Variants in LPP observed in about 807,000 individuals in gnomAD.
The protein encoded by LPP is lipoma-preferred partner.
LPP carries 38 observed loss-of-function variants against 60.4 expected under a neutral mutation model. The observed-to-expected ratio is 0.63, with a 90% CI of 0.49 to 0.83. The LOEUF is 0.83. LPP is among the 40% of genes least tolerant of loss of function. The pLI, the probability that LPP is intolerant of heterozygous loss-of-function variation, is 0.00. For missense variants in LPP, 902 were observed against 783.6 expected, an observed-to-expected ratio of 1.15 and a Z score of -1.80; for synonymous variants, 328 against 290.8, an observed-to-expected ratio of 1.13 and a Z score of -1.30.
intron 4 of LPP, among the ~76,000 whole-genome samples, chr3:188,441,612 T>TC (rs796919476): frequency 0.27 from 17,311 of 65,050 alleles, 4,037 homozygotes; most frequent in East Asian, 0.67. Flanking sequence ...TTCTTTTCTT[T>TC]TTTTTTTTTT....
chr3:188,657,071 T>C (rs541215378), intron 7 of LPP, among the ~76,000 whole-genome samples: 34 of 152,060 alleles, frequency 2.2e-4, no homozygotes, highest in Non-Finnish European at 4.9e-4. Flanking sequence ...AGAGTCCACA[T>C]TGGCCCATTT....
chr3:188,206,752 G>A (rs1733342402), intron 1 of LPP, among the ~76,000 whole-genome samples: 1 of 152,178 alleles, frequency 6.6e-6, no homozygotes, highest in East Asian at 1.9e-4. Context: ...GCTATGTGAA[G>A]CAGTTAGTTT....
At chr3:188,528,584 C>T (rs1821302283) in intron 6 of LPP, among the ~76,000 whole-genome samples, 1 of 152,128 alleles carries the variant, frequency 6.6e-6, no homozygotes, top group Non-Finnish European at 1.5e-5. Flanking sequence ...GATATTTGGA[C>T]AGTACTGATT....
intron 7 of LPP, among the ~76,000 whole-genome samples, chr3:188,614,927 C>A (rs1257025865): frequency 6.6e-6 from 1 of 152,178 alleles, no homozygotes; most frequent in Non-Finnish European, 1.5e-5. Flanking sequence ...ACTTCCCCAT[C>A]CCCATCAGTC....
chr3:188,864,744 A>G (rs1766160704), intron 9 of LPP, among the ~76,000 whole-genome samples: 1 of 152,244 alleles, frequency 6.6e-6, no homozygotes, highest in Admixed American at 6.5e-5. Context: ...AGATGTTATG[A>G]GAACCATAAA....
chr3:188,847,637 T>C (rs931969223), intron 9 of LPP, among the ~76,000 whole-genome samples: 1 of 152,254 alleles, frequency 6.6e-6, no homozygotes, highest in African/African-American at 2.4e-5. Context: ...AAATAACTTT[T>C]ATTGTCTAAC....
At chr3:188,390,927 G>A (rs1010170050) in intron 3 of LPP, among the ~76,000 whole-genome samples, 13 of 152,092 alleles carry the variant, frequency 8.5e-5, no homozygotes, top group African/African-American at 3.1e-4. Flanking sequence ...TTTTCTCCTC[G>A]AGGCTTTCTA....
At chr3:188,494,619 A>G (rs912254527) in intron 5 of LPP, among the ~76,000 whole-genome samples, 8 of 152,002 alleles carry the variant, frequency 5.3e-5, no homozygotes, top group African/African-American at 1.7e-4. Flanking sequence ...ATGTATCTCA[A>G]ACTCACTTTG....
At chr3:188,706,845 A>C in intron 7 of LPP, among the ~76,000 whole-genome samples, 1 of 152,322 alleles carries the variant, frequency 6.6e-6, no homozygotes, top group Non-Finnish European at 1.5e-5. Flanking sequence ...TTCCCAACCC[A>C]CATCTCTGCC....
intron 3 of LPP, among the ~76,000 whole-genome samples, chr3:188,389,383 T>C (rs1779137078): frequency 6.6e-6 from 1 of 152,154 alleles, no homozygotes; most frequent in Non-Finnish European, 1.5e-5. Flanking sequence ...CAGTTCTACT[T>C]GTCTGCTAAC....
At chr3:188,867,586 C>G (rs1005214174) in intron 10 of LPP, among the ~76,000 whole-genome samples, 2 of 152,142 alleles carry the variant, frequency 1.3e-5, no homozygotes, top group African/African-American at 4.8e-5. Flanking sequence ...TCAAGTGACC[C>G]ACCTGCCTCA....
At chr3:188,423,407 C>T (rs932250444) in intron 4 of LPP, among the ~76,000 whole-genome samples, 17 of 152,104 alleles carry the variant, frequency 1.1e-4, no homozygotes, top group Admixed American at 4.6e-4. Context: ...AATAAATATA[C>T]GTGTACATGT....
rs58700818 is a variant in LPP at position 188,490,751 on chromosome 3, A to ATTTTTTTTTTTTTTT, written c.306+6054_306+6068dup. Among the ~76,000 whole-genome samples the ATTTTTTTTTTTTTTT allele has an allele frequency of 2.2e-4, 20 of 91,740 alleles. 1 individual carries two copies. Among genetic ancestry groups the ATTTTTTTTTTTTTTT allele is most frequent in the African/African-American group, 3.5e-4 (9 of 25,382 alleles). The allele number at this position is 91,740 out of a possible 152,430, so 60.2% of individuals were successfully genotyped here. On this transcript the variant is annotated intron_variant, in intron 5 of 11. Coordinates refer to ENST00000617246, the MANE Select transcript of LPP (RefSeq NM_001375462.1). ...AAGTTTTAGCAAAACTGGCACTGGA[A>ATTTTTTTTTTTTTTT]TTTTTTTTTTTTTTTTTTTTTGGGA...
At chr3:188,760,442 G>A (rs536376952) in intron 9 of LPP, among the ~76,000 whole-genome samples, 160 bp downstream of exon 9, 17 of 151,724 alleles carry the variant, frequency 1.1e-4, no homozygotes, top group East Asian at 5.8e-4. Flanking sequence ...GTGTGCGTGC[G>A]CGCATGTAAA....
At chr3:188,852,026 T>C (rs748421678) in intron 9 of LPP, among the ~76,000 whole-genome samples, 2 of 152,064 alleles carry the variant, frequency 1.3e-5, no homozygotes, top group Non-Finnish European at 2.9e-5. Context: ...TAGCCAGGCA[T>C]GATGGCACGT....
At chr3:188,668,026 C>G (rs1267161119) in intron 7 of LPP, among the ~76,000 whole-genome samples, 1 of 152,070 alleles carries the variant, frequency 6.6e-6, no homozygotes, top group Non-Finnish European at 1.5e-5. Flanking sequence ...CACATTATCA[C>G]TTAAAAGCCA....
intron 8 of LPP, chr3:188,710,441 A>G (rs1368169314): frequency 1.3e-5 from 2 of 152,202 alleles, no homozygotes; most frequent in African/African-American, 4.8e-5. Flanking sequence ...TTTCAACAGT[A>G]ATAAGTTCAA....
intron 2 of LPP, among the ~76,000 whole-genome samples, chr3:188,271,501 G>A (rs1737717485): frequency 6.6e-6 from 1 of 152,160 alleles, no homozygotes; most frequent in Non-Finnish European, 1.5e-5. Flanking sequence ...GTCAGTAATC[G>A]GATGAGACAC....
At chr3:188,538,886 A>G (rs1460853772) in intron 6 of LPP, among the ~76,000 whole-genome samples, 2 of 152,190 alleles carry the variant, frequency 1.3e-5, no homozygotes. Context: ...TACGATATGG[A>G]TGAACCTGGG....
Sources: allele counts gnomAD v4.1 joint callset (sites outside exome capture counted in the v4.1 genomes callset), GRCh38; gene constraint gnomAD v4.1.1; transcripts MANE v1.5; gene names NCBI Gene and HGNC (gene_info 2026-07-23, HGNC 2026-07-21).